The following TMEM131L variants were observed in gnomAD, a reference collection of about 807,000 sequenced individuals.
TMEM131L encodes transmembrane 131 like.
TMEM131L carries 54 observed loss-of-function variants against 192.2 expected under a neutral mutation model. That is an observed-to-expected ratio of 0.28 (90% CI 0.23 to 0.35). The LOEUF is 0.35. Ranked by LOEUF, TMEM131L falls within the 10% of genes least tolerant of loss-of-function variation. TMEM131L has a pLI of 1.00. For synonymous variants in TMEM131L, 701 were observed against 704.9 expected, an observed-to-expected ratio of 0.99 and a Z score of 0.09; for missense variants, 1,888 against 1,972.9, an observed-to-expected ratio of 0.96 and a Z score of 0.82.
Position 153,583,197 on chromosome 4 carries a change from A to G in TMEM131L, c.900A>G (p.Ser300=). ...TCTGATTCTTTTGGACAGATGATTCAGCAGTAAATATGTATATATTACATT... is the reference window on the plus strand; with the variant it reads ...TCTGATTCTTTTGGACAGATGATTCGGCAGTAAATATGTATATATTACATT... ...ATDESETSDD[S]AVNMYILHSG... Residue 300 remains serine, a synonymous_variant, in exon 10 of 35, where the codon TCA becomes TCG. Coordinates refer to ENST00000409959, the MANE Select transcript of TMEM131L (RefSeq NM_001131007.2). 6.9e-7 allele frequency: 1 copy of G among 1,439,052 alleles called. No individual in the cohort carries two copies. Among genetic ancestry groups the G allele is most frequent in the Non-Finnish European group, 9.8e-7 (1 of 1,020,830 alleles). The allele number at this position is 1,439,052 out of a possible 1,614,324, so 89.1% of individuals were successfully genotyped here. A position where few individuals can be genotyped will look rare whatever the true frequency, so the allele number is the denominator to read the frequency against.
At chr4:153,547,493 A>G (rs2150381823) in intron 3 of TMEM131L, among the ~76,000 whole-genome samples, 1 of 152,314 alleles carries the variant, frequency 6.6e-6, no homozygotes. Context: ...TAGTAATATG[A>G]GCGAATATTT....
intron 25 of TMEM131L, among the ~76,000 whole-genome samples, chr4:153,610,058 G>T (rs1338391498): frequency 1.3e-5 from 2 of 152,208 alleles, no homozygotes; most frequent in Non-Finnish European, 2.9e-5. Context: ...TTTTGACAAG[G>T]TAGGAAATGG....
chr4:153,584,945 A>G lies in TMEM131L; in HGVS notation c.1157+14A>G. ...TGTGGCTCAGGGGTAGGTTACTTCC[A>G]CTTTCCCTGAAATCTTGTATGGTTG... On this transcript the variant is annotated intron_variant, in intron 12 of 34. Coordinates refer to ENST00000409959, the MANE Select transcript of TMEM131L (RefSeq NM_001131007.2). 3 of 1,563,972 alleles carry G rather than the reference A, an allele frequency of 1.9e-6. No homozygotes were observed. The highest frequency in any genetic ancestry group is 2.7e-5 in the African/African-American group (2 of 73,968).
chr4:153,526,280 A>T (rs1409982925), intron 3 of TMEM131L, among the ~76,000 whole-genome samples: 1 of 152,190 alleles, frequency 6.6e-6, no homozygotes, highest in Non-Finnish European at 1.5e-5. Flanking sequence ...CCTCTCATCC[A>T]CAGGCCTCTC....
intron 24 of TMEM131L, 111 bp downstream of exon 24, chr4:153,603,563 C>A: frequency 7.7e-7 from 1 of 1,303,968 alleles, no homozygotes; most frequent in Non-Finnish European, 1.0e-6. Flanking sequence ...CATTTGCTTT[C>A]ATAAAATTTT....
At chr4:153,632,065 A>T (rs1388070381) in intron 31 of TMEM131L, among the ~76,000 whole-genome samples, 2 of 152,148 alleles carry the variant, frequency 1.3e-5, no homozygotes, top group Non-Finnish European at 2.9e-5. Context: ...TGTAATCCCA[A>T]CACTTTGGGA....
chr4:153,473,785 C>G, intron 2 of TMEM131L, 60 bp from the exon 3 acceptor site: 1 of 1,403,120 alleles, frequency 7.1e-7, no homozygotes, highest in Non-Finnish European at 9.8e-7. Context: ...GAGCGAGACT[C>G]TGTCTCAAAA....
chr4:153,511,209 T>C (rs1169813182), intron 3 of TMEM131L, among the ~76,000 whole-genome samples: 1 of 152,212 alleles, frequency 6.6e-6, no homozygotes, highest in African/African-American at 2.4e-5. Flanking sequence ...CTATTCACAG[T>C]AGCAGAGACA....
intron 31 of TMEM131L, among the ~76,000 whole-genome samples, chr4:153,629,515 C>G (rs1734072151): frequency 6.6e-6 from 1 of 152,222 alleles, no homozygotes; most frequent in South Asian, 2.1e-4. Flanking sequence ...AGCCAAAGCT[C>G]TCTCTTGACT....
At chr4:153,526,358 A>G (rs2150188625) in intron 3 of TMEM131L, among the ~76,000 whole-genome samples, 1 of 152,188 alleles carries the variant, frequency 6.6e-6, no homozygotes, top group Non-Finnish European at 1.5e-5. Flanking sequence ...TTTCCAACAC[A>G]TGTTTTTTGA....
intron 3 of TMEM131L, among the ~76,000 whole-genome samples, chr4:153,535,526 G>A (rs1182453150): frequency 1.3e-5 from 2 of 152,098 alleles, no homozygotes; most frequent in Admixed American, 6.6e-5. Flanking sequence ...CTGAGAGGTG[G>A]CCAGCGAGTT....
intron 26 of TMEM131L, among the ~76,000 whole-genome samples, chr4:153,614,493 G>A (rs1328583822): frequency 6.6e-6 from 1 of 152,150 alleles, no homozygotes. Context: ...AGATTTGGGG[G>A]AGCTATTGAA....
intron 7 of TMEM131L, among the ~76,000 whole-genome samples, chr4:153,563,054 A>G (rs1394844161): frequency 1.3e-5 from 2 of 152,204 alleles, no homozygotes; most frequent in African/African-American, 4.8e-5. Context: ...AGTATAATTC[A>G]TTGAATATTT....
chr4:153,601,397 T>A (rs1578840612), intron 21 of TMEM131L, among the ~76,000 whole-genome samples: 1 of 151,412 alleles, frequency 6.6e-6, no homozygotes, highest in African/African-American at 2.4e-5. Flanking sequence ...TGTGGTGGAG[T>A]GTGCCTGTAG....
At chr4:153,520,292 G>A (rs769964132) in intron 3 of TMEM131L, among the ~76,000 whole-genome samples, 6 of 151,584 alleles carry the variant, frequency 4.0e-5, no homozygotes, top group African/African-American at 9.7e-5. Flanking sequence ...CCACCTCTGC[G>A]TTAAAAAAGA....
rs1244564464 is a variant in TMEM131L, at chr4:153,583,620, A to T, written c.1008A>T (p.Leu336=). The T allele has an allele frequency of 1.9e-6, 3 of 1,611,258 alleles. No individual in the cohort carries two copies. The highest frequency in any genetic ancestry group is 2.2e-5 in the East Asian group (1 of 44,864). ...DALSLQFEPV[L]LPTSTTNFTK... ...TGTCTCTGCAGTTTGAACCAGTACTACTACCTACTTCTACAACAAACTTTA... is the reference window on the plus strand; with the variant it reads ...TGTCTCTGCAGTTTGAACCAGTACTTCTACCTACTTCTACAACAAACTTTA... Residue 336 remains leucine (L), a synonymous_variant, in exon 11 of 35, where the codon CTA becomes CTT. Coordinates refer to ENST00000409959, the MANE Select transcript of TMEM131L (RefSeq NM_001131007.2).
chr4:153,632,311 T>TC (rs202050762), intron 31 of TMEM131L: 4,272 of 102,462 alleles, frequency 0.042, 58 homozygotes, highest in African/African-American at 0.093. Flanking sequence ...AGACCATCCC[T>TC]CCCCCCACCC....
rs149440977 is a variant in TMEM131L at position 153,518,311 on chromosome 4, C to T, written c.240-31762C>T. Among the ~76,000 whole-genome samples, 1,097 of 152,242 alleles carry T rather than the reference C, an allele frequency of 7.2e-3. 14 individuals carry two copies. Among genetic ancestry groups the T allele is most frequent in the African/African-American group, 0.025 (1,043 of 41,534 alleles). The stretch of plus-strand genomic sequence containing the variant: ...TCTTGTGGGATGCTGCTGCGCATTT[C>T]GAAAGACAGTGTTTTTGCTATAATA... On this transcript the variant is annotated intron_variant, in intron 3 of 34. Coordinates refer to ENST00000409959, the MANE Select transcript of TMEM131L (RefSeq NM_001131007.2).
intron 4 of TMEM131L, 27 bp downstream of exon 4, chr4:153,550,168 AC>A: frequency 8.2e-6 from 8 of 978,138 alleles, no homozygotes; most frequent in South Asian, 1.9e-5. Flanking sequence ...TATAATTAAA[AC>A]TCATTTTATT....
Sources: gnomAD v4.1 joint callset for allele counts (sites outside exome capture counted in the v4.1 genomes callset) on GRCh38, gnomAD v4.1.1 for gene constraint, MANE v1.5 for transcripts, NCBI Gene and HGNC (gene_info 2026-07-23, HGNC 2026-07-21) for gene names.